DSCAML1: variants seen among roughly 807,000 people sequenced by gnomAD.
DSCAML1 encodes cell adhesion molecule DSCAML1.
Under a neutral mutation model 200.5 loss-of-function variants are expected in DSCAML1, and 38 were observed. The observed-to-expected ratio is 0.19, with a 90% CI of 0.15 to 0.25. DSCAML1 has a LOEUF of 0.25. Ranked by LOEUF, DSCAML1 falls within the 10% of genes least tolerant of loss-of-function variation. The pLI, the probability that DSCAML1 is intolerant of heterozygous loss-of-function variation, is 1.00. For synonymous variants in DSCAML1, 1,215 were observed against 1,165.0 expected, an observed-to-expected ratio of 1.04 and a Z score of -0.87; for missense variants, 2,223 against 2,858.8, an observed-to-expected ratio of 0.78 and a Z score of 5.07.
intron 3 of DSCAML1, among the ~76,000 whole-genome samples, chr11:117,655,099 C>T (rs1282265031): frequency 6.6e-6 from 1 of 152,256 alleles, no homozygotes; most frequent in Admixed American, 6.5e-5. Flanking sequence ...AGCCTTGCAG[C>T]CGCCCCTGGG....
At chr11:117,500,671 A>G (rs1176102197) in intron 11 of DSCAML1, among the ~76,000 whole-genome samples, 1 of 152,150 alleles carries the variant, frequency 6.6e-6, no homozygotes, top group East Asian at 1.9e-4. Flanking sequence ...TTATTGACCT[A>G]TTTAGTGAGT....
intron 27 of DSCAML1, 95 bp downstream of exon 27, chr11:117,435,549 A>C: frequency 7.1e-7 from 1 of 1,403,262 alleles, no homozygotes; most frequent in Non-Finnish European, 9.7e-7. Context: ...GGCACTCTGT[A>C]TCATCCAGAT....
At chr11:117,734,943 T>C (rs1326534863) in intron 3 of DSCAML1, among the ~76,000 whole-genome samples, 3 of 152,076 alleles carry the variant, frequency 2.0e-5, no homozygotes, top group Admixed American at 6.5e-5. Flanking sequence ...TGGTTGGGCC[T>C]GTGGGTGGCT....
At chr11:117,588,431 C>G (rs1480692100) in intron 3 of DSCAML1, among the ~76,000 whole-genome samples, 1 of 152,180 alleles carries the variant, frequency 6.6e-6, no homozygotes, top group Non-Finnish European at 1.5e-5. Flanking sequence ...GGCAAATTAA[C>G]CAGGGATAAC....
intron 3 of DSCAML1, among the ~76,000 whole-genome samples, chr11:117,661,431 C>T (rs577443393): frequency 6.6e-6 from 1 of 152,346 alleles, no homozygotes; most frequent in South Asian, 2.1e-4. Context: ...CTGGGTTTTG[C>T]ATTCACTCTA....
intron 3 of DSCAML1, among the ~76,000 whole-genome samples, chr11:117,552,984 T>C (rs1407671893): frequency 6.6e-6 from 1 of 152,226 alleles, no homozygotes; most frequent in Non-Finnish European, 1.5e-5. Flanking sequence ...ATACAATATC[T>C]ATTTTCCCTT....
chr11:117,438,238 T>C (rs899052282), intron 24 of DSCAML1, among the ~76,000 whole-genome samples, 155 bp from the exon 25 acceptor site: 5 of 152,112 alleles, frequency 3.3e-5, no homozygotes, highest in Non-Finnish European at 7.4e-5. Flanking sequence ...GAAGCAAAAT[T>C]GGAAGGATCA....
At chr11:117,816,910 G>A (rs1335272756) in intron 1 of DSCAML1, among the ~76,000 whole-genome samples, 1 of 152,178 alleles carries the variant, frequency 6.6e-6, no homozygotes, top group Non-Finnish European at 1.5e-5. Flanking sequence ...AGGAGCTAGC[G>A]ATCGGCCTGT....
At chr11:117,580,463 T>G (rs539867434) in intron 3 of DSCAML1, among the ~76,000 whole-genome samples, 52 of 152,324 alleles carry the variant, frequency 3.4e-4, no homozygotes, top group African/African-American at 1.2e-3. Context: ...CTTTCTGTAT[T>G]GGTAAAAGAC....
At chr11:117,544,783 G>C (rs1289972088) in intron 3 of DSCAML1, among the ~76,000 whole-genome samples, 3 of 152,188 alleles carry the variant, frequency 2.0e-5, no homozygotes, top group Non-Finnish European at 4.4e-5. Context: ...CTAGGTTTTA[G>C]ATCCTCCTTG....
intron 6 of DSCAML1, among the ~76,000 whole-genome samples, 160 bp downstream of exon 6, chr11:117,520,969 AG>A (rs544542239): frequency 2.2e-4 from 34 of 152,354 alleles, no homozygotes; most frequent in Non-Finnish European, 3.7e-4. Context: ...AATATAAAAA[AG>A]GGCTTCCACA....
chr11:117,692,848 G>A (rs1163769698), intron 3 of DSCAML1, among the ~76,000 whole-genome samples: 2 of 152,186 alleles, frequency 1.3e-5, no homozygotes, highest in African/African-American at 4.8e-5. Flanking sequence ...TTGTTCTACA[G>A]CTCCCAAGTT....
chr11:117,746,547 A>T (rs1454462284), intron 3 of DSCAML1, among the ~76,000 whole-genome samples: 2 of 152,096 alleles, frequency 1.3e-5, no homozygotes, highest in Admixed American at 1.3e-4. Flanking sequence ...GTCTCCTCAG[A>T]TCCAAGCCTC....
Position 117,636,259 on chromosome 11 carries a change from T to C in DSCAML1, c.512-103737A>G, listed in dbSNP as rs149710883. Among the ~76,000 whole-genome samples, 635 of 152,238 alleles carry C rather than the reference T, an allele frequency of 4.2e-3. 7 individuals carry two copies. The highest frequency in any genetic ancestry group is 0.015 in the African/African-American group (626 of 41,532). The stretch of plus-strand genomic sequence containing the variant: ...TCCATATGTCTCCTGGCCAGAACAT[T>C]TGGGGAATAGGTGAGTATTTCAAGC... On this transcript the variant is annotated intron_variant, in intron 3 of 32. Transcript: ENST00000651296.
At chr11:117,767,996 A>G (rs1398752976) in intron 3 of DSCAML1, among the ~76,000 whole-genome samples, 1 of 152,064 alleles carries the variant, frequency 6.6e-6, no homozygotes, top group Non-Finnish European at 1.5e-5. Context: ...ACAAGTCACT[A>G]AGCCACACTG....
intron 32 of DSCAML1, 130 bp downstream of exon 32, chr11:117,430,592 C>G: frequency 9.3e-7 from 1 of 1,076,858 alleles, no homozygotes; most frequent in South Asian, 1.6e-5. Context: ...TTGGTACCAC[C>G]CTGCACTGCC....
intron 3 of DSCAML1, among the ~76,000 whole-genome samples, chr11:117,728,732 A>C (rs2054173773): frequency 6.6e-6 from 1 of 152,206 alleles, no homozygotes; most frequent in Non-Finnish European, 1.5e-5. Flanking sequence ...AATTTTAAGA[A>C]AAATGTGTCC....
intron 2 of DSCAML1, among the ~76,000 whole-genome samples, chr11:117,779,856 C>A (rs918902927): frequency 1.3e-5 from 2 of 152,170 alleles, no homozygotes; most frequent in African/African-American, 4.8e-5. Context: ...TGTAAAATTT[C>A]ATCAAGCTAC....
intron 3 of DSCAML1, among the ~76,000 whole-genome samples, chr11:117,660,490 T>C (rs1263518526): frequency 1.3e-5 from 2 of 152,204 alleles, no homozygotes; most frequent in African/African-American, 4.8e-5. Context: ...AGGACTCATT[T>C]GGTAGGCAGC....
Sources: gnomAD v4.1 joint callset for allele counts (sites outside exome capture counted in the v4.1 genomes callset) on GRCh38, gnomAD v4.1.1 for gene constraint, MANE v1.5 for transcripts, NCBI Gene and HGNC (gene_info 2026-07-23, HGNC 2026-07-21) for gene names.